UBE4B: variants seen among roughly 807,000 people sequenced by gnomAD.
UBE4B encodes the protein ubiquitin conjugation factor E4 B.
In UBE4B, 27 loss-of-function variants were observed where a neutral mutation model predicts 148.1. That is an observed-to-expected ratio of 0.18 (90% CI 0.13 to 0.25). The LOEUF (loss-of-function observed/expected upper bound fraction) is 0.25, where lower values mean the gene tolerates loss of function less well. UBE4B is among the 10% of genes least tolerant of loss of function. UBE4B has a pLI of 1.00. For missense variants in UBE4B, 1,170 were observed against 1,662.4 expected (o/e 0.70, Z 5.15); for synonymous variants, 596 against 619.3 (o/e 0.96, Z 0.56).
In UBE4B at chr1:10,097,052, A is replaced by AAATAAT. The variant is rs1553143704; in HGVS notation, c.347+1471_347+1476dup. Among the ~76,000 whole-genome samples the AAATAAT allele has an allele frequency of 3.9e-3, 536 of 138,504 alleles. 2 individuals are homozygous for AAATAAT. The highest frequency in any genetic ancestry group is 0.011 in the Middle Eastern group (3 of 268). 90.9% of individuals were successfully genotyped at this position (138,504 alleles called of 152,430 possible). ...AGACTCTGCATCAAAAAAAAAAAAAAAATAATAATAATAATAATAACCAAA... is the reference window on the plus strand; with the variant it reads ...AGACTCTGCATCAAAAAAAAAAAAAAAATAATAATAATAATAATAATAATAACCAAA... On this transcript the variant is annotated intron_variant, in intron 3 of 27. Transcript: ENST00000343090.
At chr1:10,111,126 C>T (rs1263343924) in intron 7 of UBE4B, among the ~76,000 whole-genome samples, 1 of 150,592 alleles carries the variant, frequency 6.6e-6, no homozygotes, top group East Asian at 2.0e-4. Flanking sequence ...TAAGATCCCC[C>T]AGTGATTTCC....
rs878918450 is a variant in UBE4B at position 10,095,342 on chromosome 1, C to G, written c.212-119C>G. On this transcript the variant is annotated intron_variant, in intron 2 of 27. Coordinates refer to ENST00000343090, the MANE Select transcript of UBE4B (RefSeq NM_001105562.3). ...TTATATAATCTTCTGATAGAAATTC[C>G]TCGGTTGCTGCAATGTCATGATGGG... 2.8e-5 allele frequency: 33 copies of G among 1,172,972 alleles called. No homozygotes were observed. In the South Asian group the frequency reaches 4.9e-4, roughly 18 times the overall value. 72.7% of individuals were successfully genotyped at this position (1,172,972 alleles called of 1,614,324 possible).
Position 10,033,680 on chromosome 1 carries a change from C to A in UBE4B, c.10C>A (p.Leu4Met). MEE[L>M]SADEIRRRRL... ...CATTAAGAGGAAAGCGATGGAGGAG[C>A]TGAGCGCTGATGAGGTGAGGAGGTT... is the stretch of plus-strand genomic sequence containing the variant. Residue 4 changes from leucine (L) to methionine (M), a missense_variant, in exon 1 of 28, where the codon CTG (leucine) becomes ATG (methionine). Physicochemically the swap from Leu to Met is conservative, Grantham distance 15. This residue lies in a region of UBE4B where 127 missense variants were observed against 153.2 expected (regional missense o/e 0.83). Coordinates refer to ENST00000343090, the MANE Select transcript of UBE4B (RefSeq NM_001105562.3). 1 of 1,571,008 alleles carries A rather than the reference C, an allele frequency of 6.4e-7. No individual in the cohort carries two copies. The highest frequency in any genetic ancestry group is 1.2e-5 in the South Asian group (1 of 86,048).
In UBE4B at chr1:10,129,442, C is replaced by T; in HGVS notation, c.1689C>T (p.Cys563=). ...AGTTTGGGAAGACACACCCTGTGTGCAATTTGGTAAGCACTCACCTGATGG... is the reference window on the plus strand; with the variant it reads ...AGTTTGGGAAGACACACCCTGTGTGTAATTTGGTAAGCACTCACCTGATGG... The part of the protein sequence containing the change: ...ETKFGKTHPV[C]NLVASLRLWL... Residue 563 remains cysteine (C), a synonymous_variant, in exon 12 of 28, where the codon TGC becomes TGT. Transcript: ENST00000343090. The T allele has an allele frequency of 6.2e-7, 1 of 1,611,776 alleles. No homozygotes were observed. Among genetic ancestry groups the T allele is most frequent in the East Asian group, 2.2e-5 (1 of 44,818 alleles).
At chr1:10,047,738 C>T (rs551949274) in intron 1 of UBE4B, among the ~76,000 whole-genome samples, 28 of 152,186 alleles carry the variant, frequency 1.8e-4, no homozygotes, top group South Asian at 1.2e-3. Context: ...ATGACCCACC[C>T]GCCTCGGCCT....
At chr1:10,144,865 G>C (rs1449450586) in intron 17 of UBE4B, 75 bp from the exon 18 acceptor site, 1 of 1,061,994 alleles carries the variant, frequency 9.4e-7, no homozygotes, top group Non-Finnish European at 1.4e-6. Context: ...GTGAGAGTCA[G>C]TGAAATGAGC....
chr1:10,047,642 G>A (rs923410481), intron 1 of UBE4B, among the ~76,000 whole-genome samples: 6 of 151,758 alleles, frequency 4.0e-5, no homozygotes, highest in Admixed American at 1.3e-4. Flanking sequence ...GCAGGTGCCC[G>A]CCACCACACC....
At chr1:10,078,969 A>T (rs1406266226) in intron 2 of UBE4B, among the ~76,000 whole-genome samples, 2 of 152,242 alleles carry the variant, frequency 1.3e-5, no homozygotes, top group East Asian at 3.9e-4. Flanking sequence ...GGTGCGCGCC[A>T]CCATGCCTGG....
intron 21 of UBE4B, among the ~76,000 whole-genome samples, chr1:10,156,935 G>A (rs1434827718): frequency 2.0e-5 from 3 of 151,932 alleles, no homozygotes; most frequent in Admixed American, 6.6e-5. Flanking sequence ...TTGGAAGGAC[G>A]ATGTAGGAGG....
At chr1:10,077,264 T>C (rs1380848942) in intron 2 of UBE4B, among the ~76,000 whole-genome samples, 1 of 152,204 alleles carries the variant, frequency 6.6e-6, no homozygotes, top group African/African-American at 2.4e-5. Flanking sequence ...TTGGCATTTC[T>C]TGGCTTGTGG....
At chr1:10,070,814 A>G (rs1397575495) in intron 1 of UBE4B, among the ~76,000 whole-genome samples, 1 of 152,242 alleles carries the variant, frequency 6.6e-6, no homozygotes, top group Non-Finnish European at 1.5e-5. Context: ...AAGTAAAAAA[A>G]GAAAATCTGA....
chr1:10,101,890 G>C (rs914160006), intron 4 of UBE4B, among the ~76,000 whole-genome samples: 1 of 152,064 alleles, frequency 6.6e-6, no homozygotes, highest in Non-Finnish European at 1.5e-5. Flanking sequence ...GCAAGAATAT[G>C]TAGAATCTAG....
At chr1:10,036,818 T>G (rs763644993) in intron 1 of UBE4B, among the ~76,000 whole-genome samples, 4 of 152,156 alleles carry the variant, frequency 2.6e-5, no homozygotes, top group Admixed American at 6.6e-5. Flanking sequence ...AACTTCAAGC[T>G]TATATTTCAG....
At chr1:10,153,490 TA>T (rs1045427991) in intron 21 of UBE4B, among the ~76,000 whole-genome samples, 3,722 of 49,188 alleles carry the variant, frequency 0.076, 62 homozygotes, top group Non-Finnish European at 0.11. Flanking sequence ...ACCCTGTTTC[TA>T]AAAAAAAAAA....
intron 10 of UBE4B, among the ~76,000 whole-genome samples, chr1:10,126,352 T>TAGATAGAA (rs1553148955): frequency 1.2e-4 from 17 of 144,222 alleles, no homozygotes; most frequent in African/African-American, 3.2e-4. Flanking sequence ...GATAGATAGA[T>TAGATAGAA]AGAAAGGAGG....
intron 1 of UBE4B, among the ~76,000 whole-genome samples, chr1:10,045,749 A>G (rs1338919034): frequency 6.6e-6 from 1 of 152,174 alleles, no homozygotes; most frequent in Non-Finnish European, 1.5e-5. Context: ...AACTGGGGTT[A>G]GTGGTTGAGA....
chr1:10,064,508 G>A (rs1224063496), intron 1 of UBE4B, among the ~76,000 whole-genome samples: 3 of 152,116 alleles, frequency 2.0e-5, no homozygotes, highest in African/African-American at 7.2e-5. Flanking sequence ...TGAACCTAGG[G>A]ATAGAAAGAT....
At chr1:10,039,147 A>C (rs527987414) in intron 1 of UBE4B, among the ~76,000 whole-genome samples, 1 of 152,106 alleles carries the variant, frequency 6.6e-6, no homozygotes, top group Non-Finnish European at 1.5e-5. Context: ...ATAGATAGGA[A>C]TCCAACAGTT....
At position 10,072,217 on chromosome 1, in the gene UBE4B, A is replaced by G. The variant is rs772422586; in HGVS notation, c.211+3A>G. 7 of 1,610,418 alleles carry G rather than the reference A, an allele frequency of 4.3e-6. No individual in the cohort carries two copies. The highest frequency in any genetic ancestry group is 1.7e-5 in the Admixed American group (1 of 58,312). On this transcript the variant is annotated splice_donor_region_variant and intron_variant, in intron 2 of 27. Coordinates refer to ENST00000343090, the MANE Select transcript of UBE4B (RefSeq NM_001105562.3). ...TACCTCCCCAATAGGTGCATCAGGT[A>G]AGCCCAAGCTTCATACCTGGGACTC...
Sources: gnomAD v4.1 joint callset for allele counts (sites outside exome capture counted in the v4.1 genomes callset) on GRCh38, gnomAD v4.1.1 for gene constraint, gnomAD v4.1.1 regional missense constraint, MANE v1.5 for transcripts, NCBI Gene and HGNC (gene_info 2026-07-23, HGNC 2026-07-21) for gene names.